FAM149A: variants seen among roughly 807,000 people sequenced by gnomAD.
FAM149A encodes protein FAM149A.
A neutral mutation model predicts 78.2 loss-of-function variants in FAM149A; 71 were observed. That is an observed-to-expected ratio of 0.91 (90% CI 0.75 to 1.11). The LOEUF (loss-of-function observed/expected upper bound fraction) is 1.11, where lower values mean the gene tolerates loss of function less well. Ranked by LOEUF, FAM149A falls within the 50% of genes least tolerant of loss-of-function variation. The pLI, the probability that FAM149A is intolerant of heterozygous loss-of-function variation, is 0.00. For synonymous variants in FAM149A, 446 were observed against 410.5 expected (o/e 1.09, Z -1.04); for missense variants, 1,036 against 971.0 (o/e 1.07, Z -0.89).
intron 3 of FAM149A, chr4:186,150,998 C>T (rs527258035): frequency 2.0e-6 from 2 of 984,846 alleles, no homozygotes; most frequent in East Asian, 1.1e-4. Context: ...AGCCACTGCG[C>T]CCAGCCTCTT....
intron 1 of FAM149A, among the ~76,000 whole-genome samples, chr4:186,129,244 T>C (rs1000500305): frequency 1.3e-5 from 2 of 152,026 alleles, no homozygotes; most frequent in African/African-American, 4.8e-5. Context: ...ACTTCTAATC[T>C]GTACCTTCCT....
intron 1 of FAM149A, among the ~76,000 whole-genome samples, chr4:186,120,672 T>A (rs535342643): frequency 3.3e-5 from 5 of 149,486 alleles, no homozygotes; most frequent in African/African-American, 1.2e-4. Flanking sequence ...TGCGTGCCTG[T>A]AGTCCCAGCT....
At chr4:186,149,980 T>G (rs898506858) in intron 3 of FAM149A, among the ~76,000 whole-genome samples, 2 of 152,226 alleles carry the variant, frequency 1.3e-5, no homozygotes, top group East Asian at 1.9e-4. Context: ...TGTGTGCTCC[T>G]TGTGACTTCT....
rs530924051 is a variant in FAM149A, at chr4:186,152,429, G to A, written c.932+384G>A. On this transcript the variant is annotated intron_variant, in intron 4 of 13. Coordinates refer to ENST00000389354, the MANE Select transcript of FAM149A (RefSeq NM_001367768.3). Reference sequence around the variant, plus strand: ...GATTTGCTGAACGGCTGGATAGATGGGTCTTCCCATCTCACCCATTCCTTA... The same window carrying A: ...GATTTGCTGAACGGCTGGATAGATGAGTCTTCCCATCTCACCCATTCCTTA... Among the ~76,000 whole-genome samples the A allele has an allele frequency of 2.0e-5, 3 of 152,138 alleles. No homozygotes were observed. In the South Asian group the frequency reaches 6.2e-4, roughly 32 times the overall value.
At chr4:186,161,202 A>G (rs139125631) in intron 8 of FAM149A, among the ~76,000 whole-genome samples, 1 of 152,330 alleles carries the variant, frequency 6.6e-6, no homozygotes, top group East Asian at 1.9e-4. Flanking sequence ...TATACTTTTC[A>G]CAGAGTAGGG....
Position 186,105,347 on chromosome 4 carries a change from G to C in FAM149A, c.271G>C (p.Val91Leu), listed in dbSNP as rs980849240. The C allele has an allele frequency of 4.9e-5, 58 of 1,178,714 alleles. No homozygotes were observed. In the African/African-American group the frequency reaches 9.5e-4, roughly 19 times the overall value. The allele number at this position is 1,178,714 out of a possible 1,614,324, so 73.0% of individuals were successfully genotyped here. A position where few individuals can be genotyped will look rare whatever the true frequency, so the allele number is the denominator to read the frequency against. The change falls in exon 1 of 14, where the codon GTG becomes CTG. Residue 91 changes from valine to leucine, a missense_variant. Val to Leu is a conservative substitution (Grantham distance 32, BLOSUM62 1). Around this residue, in one of 3 missense-constraint regions of FAM149A, gnomAD observed 316 missense variants for 241.9 expected, o/e 1.31. Transcript: ENST00000389354. ...CGCCGCCAGCCGCGCCGCGGGAGCA[G>C]TGGGGACCCTGCTCTCTTGGCCCAG...
chr4:186,161,056 A>G (rs1734566464), intron 8 of FAM149A, among the ~76,000 whole-genome samples: 1 of 152,214 alleles, frequency 6.6e-6, no homozygotes, highest in Non-Finnish European at 1.5e-5. Flanking sequence ...TGCTAATTAT[A>G]TATTAATAGT....
intron 1 of FAM149A, chr4:186,109,128 T>G (rs1579756864): frequency 1.0e-6 from 1 of 982,798 alleles, no homozygotes; most frequent in Admixed American, 6.1e-5. Flanking sequence ...ATTACAGGCT[T>G]GAGCCACCGC....
At position 186,154,636 on chromosome 4, in the gene FAM149A, G is replaced by A. The variant is rs900744856; in HGVS notation, c.1227G>A (p.Glu409=). The stretch of plus-strand genomic sequence containing the variant: ...AGTATTTCGCTTTTGACAGAAAAGA[G>A]GAGTAAATAGAATCTTATTTGACAT... Residue 409 remains glutamate, a splice_region_variant and synonymous_variant, in exon 6 of 14, where the codon GAG becomes GAA. Coordinates refer to ENST00000389354, the MANE Select transcript of FAM149A (RefSeq NM_001367768.3). The A allele has an allele frequency of 6.2e-7, 1 of 1,611,662 alleles. No homozygotes were observed. The highest frequency in any genetic ancestry group is 1.3e-5 in the African/African-American group (1 of 74,954).
intron 3 of FAM149A, among the ~76,000 whole-genome samples, chr4:186,151,237 G>A (rs569838572): frequency 1.2e-4 from 18 of 152,206 alleles, no homozygotes; most frequent in Non-Finnish European, 2.9e-5. Flanking sequence ...CATCCCTCAA[G>A]CCCGCCTTCC....
At chr4:186,137,449 C>T (rs1297935926) in intron 1 of FAM149A, among the ~76,000 whole-genome samples, 3 of 152,040 alleles carry the variant, frequency 2.0e-5, no homozygotes, top group Non-Finnish European at 2.9e-5. Flanking sequence ...CACTTTCTGT[C>T]GGCTGTGCGT....
chr4:186,138,629 A>G (rs1245376570), intron 1 of FAM149A, among the ~76,000 whole-genome samples: 3 of 152,120 alleles, frequency 2.0e-5, no homozygotes, highest in Non-Finnish European at 4.4e-5. Flanking sequence ...TGATCACGAC[A>G]GTTTAGGGGA....
chr4:186,143,149 C>CTTT lies in FAM149A; in HGVS notation c.567-6001_567-5999dup, dbSNP rs141403092. Reference sequence around the variant, plus strand: ...TAAATGACTTTGTGTTCGATTTTTACTTTTTTTTTTTTTTTTTTTTTTTTT... The same window carrying CTTT: ...TAAATGACTTTGTGTTCGATTTTTACTTTTTTTTTTTTTTTTTTTTTTTTTTTT... On this transcript the variant is annotated intron_variant, in intron 1 of 13. Coordinates refer to ENST00000389354, the MANE Select transcript of FAM149A (RefSeq NM_001367768.3). 1.1e-4 allele frequency among the ~76,000 whole-genome samples: 9 copies of CTTT among 85,024 alleles called. No individual in the cohort carries two copies. The East Asian group carries it at 1.6e-3, about 16-fold the overall frequency. The allele number at this position is 85,024 out of a possible 152,430, so 55.8% of individuals were successfully genotyped here.
At position 186,105,682 on chromosome 4, in the gene FAM149A, G is replaced by C. The variant is rs944433181; in HGVS notation, c.566+40G>C. 32 of 1,024,238 alleles carry C rather than the reference G, an allele frequency of 3.1e-5. No individual in the cohort carries two copies. In the African/African-American group the frequency reaches 4.9e-4, roughly 16 times the overall value. The allele number at this position is 1,024,238 out of a possible 1,614,324, so 63.4% of individuals were successfully genotyped here. ...GGTCCGGGCGCGTGTACCTTTTGCC[G>C]GGACCCCCGACCCCTCCGCCTGCCG... On this transcript the variant is annotated intron_variant, in intron 1 of 13. Coordinates refer to ENST00000389354, the MANE Select transcript of FAM149A (RefSeq NM_001367768.3).
intron 1 of FAM149A, chr4:186,109,964 C>T (rs1394031278): frequency 3.5e-5 from 34 of 985,322 alleles, no homozygotes; most frequent in Non-Finnish European, 4.1e-5. Context: ...ATTTACCACT[C>T]TGGGATCAAA....
intron 7 of FAM149A, 88 bp downstream of exon 7, chr4:186,156,278 A>G: frequency 9.3e-7 from 1 of 1,069,586 alleles, no homozygotes; most frequent in Middle Eastern, 2.2e-4. Flanking sequence ...GGCCAGACCT[A>G]GAACGTGACC....
intron 1 of FAM149A, among the ~76,000 whole-genome samples, chr4:186,139,625 C>A (rs1250849181): frequency 1.3e-5 from 2 of 152,184 alleles, no homozygotes; most frequent in Admixed American, 6.5e-5. Context: ...GCAAAAACTG[C>A]AGTTACTTTT....
chr4:186,154,737 TACTC>T, intron 6 of FAM149A, 99 bp downstream of exon 6: 1 of 1,447,708 alleles, frequency 6.9e-7, no homozygotes, highest in Non-Finnish European at 9.1e-7. Flanking sequence ...GTGTATTTTT[TACTC>T]ACCCAAAAGA....
intron 11 of FAM149A, among the ~76,000 whole-genome samples, chr4:186,165,818 C>T (rs1255189729): frequency 6.6e-6 from 1 of 152,148 alleles, no homozygotes; most frequent in Non-Finnish European, 1.5e-5. Context: ...TCTTCTATGA[C>T]TTGGTGCAAG....
Sources: allele counts gnomAD v4.1 joint callset (sites outside exome capture counted in the v4.1 genomes callset), GRCh38; gene constraint gnomAD v4.1.1; regional missense constraint gnomAD v4.1.1; transcripts MANE v1.5; gene names NCBI Gene and HGNC (gene_info 2026-07-23, HGNC 2026-07-21).